Variants in RGS6 observed in about 807,000 individuals in gnomAD.
The protein encoded by RGS6 is regulator of G-protein signaling 6.
Under a neutral mutation model 78.5 loss-of-function variants are expected in RGS6, and 30 were observed. The ratio of observed to expected loss-of-function variants is 0.38; its 90% CI spans 0.29 to 0.52. The LOEUF is 0.52. RGS6 is among the 20% of genes least tolerant of loss of function. The pLI is 0.85. For missense variants in RGS6, 495 were observed against 609.7 expected (o/e 0.81, Z 1.98); for synonymous variants, 206 against 206.0 (o/e 1.00, Z 0.00).
At chr14:72,100,851 G>A (rs2095514038) in intron 2 of RGS6, among the ~76,000 whole-genome samples, 1 of 152,166 alleles carries the variant, frequency 6.6e-6, no homozygotes, top group African/African-American at 2.4e-5. Flanking sequence ...TGGGAGCTAG[G>A]CATTGACATT....
At chr14:72,398,663 T>G (rs1655499193) in intron 3 of RGS6, among the ~76,000 whole-genome samples, 1 of 152,236 alleles carries the variant, frequency 6.6e-6, no homozygotes, top group Non-Finnish European at 1.5e-5. Flanking sequence ...ATTTTAGACC[T>G]TTCATGCTTT....
At chr14:72,556,717 A>C (rs1456871844) in intron 17 of RGS6, among the ~76,000 whole-genome samples, 1 of 151,886 alleles carries the variant, frequency 6.6e-6, no homozygotes, top group Non-Finnish European at 1.5e-5. Context: ...TTGCAAGAAA[A>C]AAAAATCCAT....
chr14:72,215,818 G>C (rs768974909), intron 2 of RGS6, among the ~76,000 whole-genome samples: 39 of 152,334 alleles, frequency 2.6e-4, no homozygotes, highest in South Asian at 6.2e-4. Context: ...AGAACATAAA[G>C]TACATTGATT....
intron 2 of RGS6, among the ~76,000 whole-genome samples, chr14:72,037,084 A>C (rs1337396202): frequency 6.6e-6 from 1 of 152,144 alleles, no homozygotes; most frequent in Non-Finnish European, 1.5e-5. Flanking sequence ...TCTAGCTAAA[A>C]GATTGTAAAT....
intron 14 of RGS6, among the ~76,000 whole-genome samples, chr14:72,514,565 C>T (rs994639358): frequency 1.3e-5 from 2 of 152,212 alleles, no homozygotes; most frequent in Non-Finnish European, 2.9e-5. Flanking sequence ...TGCCTCGCTC[C>T]AAAAGCTAGT....
intron 1 of RGS6, among the ~76,000 whole-genome samples, chr14:71,939,568 G>C (rs982042770): frequency 6.6e-5 from 10 of 152,266 alleles, no homozygotes; most frequent in African/African-American, 1.9e-4. Flanking sequence ...ATTGCTTCTA[G>C]TGGGCCTTAT....
intron 2 of RGS6, among the ~76,000 whole-genome samples, chr14:72,329,977 A>C (rs952314228): frequency 2.6e-5 from 4 of 152,216 alleles, no homozygotes; most frequent in African/African-American, 9.6e-5. Flanking sequence ...AGTAGAGTGA[A>C]GCCTCCTCCG....
intron 2 of RGS6, among the ~76,000 whole-genome samples, chr14:72,265,147 G>A (rs2058823049): frequency 6.6e-6 from 1 of 152,230 alleles, no homozygotes; most frequent in Non-Finnish European, 1.5e-5. Flanking sequence ...GGTTGGCTAA[G>A]TGTATGTGAA....
At chr14:71,944,406 A>G (rs1231518456) in intron 1 of RGS6, among the ~76,000 whole-genome samples, 1 of 152,128 alleles carries the variant, frequency 6.6e-6, no homozygotes, top group African/African-American at 2.4e-5. Flanking sequence ...ATCTTTTCTG[A>G]CCCCAAAGTC....
chr14:71,867,595 T>C, the RGS6 span, among the ~76,000 whole-genome samples: 1 of 152,138 alleles, frequency 6.6e-6, no homozygotes, highest in African/African-American at 2.4e-5. Flanking sequence ...GAGAATCATC[T>C]GTACAACATG....
the RGS6 span, among the ~76,000 whole-genome samples, chr14:71,875,252 T>C: frequency 5.9e-5 from 9 of 152,192 alleles, no homozygotes; most frequent in South Asian, 8.3e-4. Context: ...TGGTAGAATT[T>C]GGCTGTGAAT....
chr14:72,382,211 A>C (rs760170348), intron 3 of RGS6, among the ~76,000 whole-genome samples: 1 of 152,190 alleles, frequency 6.6e-6, no homozygotes, highest in Non-Finnish European at 1.5e-5. Flanking sequence ...ACAAAGCATT[A>C]GAATCATGAA....
intron 2 of RGS6, among the ~76,000 whole-genome samples, chr14:72,129,963 A>G (rs1279206082): frequency 2.0e-5 from 3 of 152,136 alleles, no homozygotes; most frequent in Non-Finnish European, 4.4e-5. Flanking sequence ...TACAGACCCT[A>G]CAGGTTAAGG....
intron 3 of RGS6, among the ~76,000 whole-genome samples, chr14:72,373,022 C>A (rs892090323): frequency 1.2e-4 from 18 of 152,104 alleles, no homozygotes; most frequent in African/African-American, 4.3e-4. Flanking sequence ...CCCCAGGATC[C>A]CTGTGACTCT....
intron 2 of RGS6, among the ~76,000 whole-genome samples, chr14:72,092,462 A>G (rs1597418169): frequency 6.6e-6 from 1 of 151,454 alleles, no homozygotes; most frequent in Non-Finnish European, 1.5e-5. Context: ...GCTCACTGCA[A>G]CCTCCGCCTC....
chr14:72,196,799 C>T (rs111841706), intron 2 of RGS6, among the ~76,000 whole-genome samples: 170 of 152,300 alleles, frequency 1.1e-3, no homozygotes, highest in Non-Finnish European at 1.7e-3. Context: ...CTTCTGTTCT[C>T]CTGAAAACTG....
chr14:72,320,577 C>CA lies in RGS6; in HGVS notation c.85-31511dup, dbSNP rs1464618494. ...TGGGCAATAGAGCAAGACTCTGTCT[C>CA]AAAAAAATAAATAAAATTAAAAAAT... On this transcript the variant is annotated intron_variant, in intron 2 of 17. Coordinates refer to ENST00000553525, the MANE Select transcript of RGS6 (RefSeq NM_001204424.2). 2.7e-5 allele frequency among the ~76,000 whole-genome samples: 4 copies of CA among 150,930 alleles called. No homozygotes were observed. The East Asian group carries it at 5.8e-4, about 22-fold the overall frequency.
At chr14:72,138,373 G>A (rs766725755) in intron 2 of RGS6, among the ~76,000 whole-genome samples, 51 of 149,882 alleles carry the variant, frequency 3.4e-4, no homozygotes, top group Non-Finnish European at 6.5e-4. Context: ...TGTCTTCATC[G>A]TTCTTCCTCT....
chr14:72,402,527 G>T (rs2092523498), intron 3 of RGS6, among the ~76,000 whole-genome samples: 1 of 151,878 alleles, frequency 6.6e-6, no homozygotes. Context: ...CCATCATCAG[G>T]GAAATGCAAA....
Sources: allele counts gnomAD v4.1 joint callset (sites outside exome capture counted in the v4.1 genomes callset), GRCh38; gene constraint gnomAD v4.1.1; transcripts MANE v1.5; gene names NCBI Gene and HGNC (gene_info 2026-07-23, HGNC 2026-07-21).